The following NEK10 variants were observed in gnomAD, a reference collection of about 807,000 sequenced individuals.
NEK10 encodes the protein NIMA related kinase 10.
In NEK10, 122 loss-of-function variants were observed where a neutral mutation model predicts 159.8. The observed-to-expected ratio is 0.76, with a 90% confidence interval of 0.66 to 0.89. The LOEUF (loss-of-function observed/expected upper bound fraction) is 0.89. Among genes scored for constraint, NEK10 ranks in the 40% least tolerant of loss-of-function variants. NEK10 has a pLI of 0.00. For missense variants in NEK10, 1,342 were observed against 1,323.1 expected, an observed-to-expected ratio of 1.01 and a Z score of -0.22; for synonymous variants, 466 against 457.1, an observed-to-expected ratio of 1.02 and a Z score of -0.25.
intron 13 of NEK10, among the ~76,000 whole-genome samples, chr3:27,297,909 A>C (rs1311959885): frequency 1.3e-5 from 2 of 152,168 alleles, no homozygotes; most frequent in Non-Finnish European, 2.9e-5. Flanking sequence ...TATAAAGGAT[A>C]ATTCCATTTT....
At chr3:27,299,652 G>T (rs1020672812) in intron 13 of NEK10, among the ~76,000 whole-genome samples, 2 of 152,232 alleles carry the variant, frequency 1.3e-5, no homozygotes, top group African/African-American at 4.8e-5. Flanking sequence ...CATGAAAGCA[G>T]CCGAGAGGGA....
At chr3:27,156,929 GATATATATATATATAT>G (rs4016654) in intron 30 of NEK10, among the ~76,000 whole-genome samples, 1,176 of 28,334 alleles carry the variant, frequency 0.042, 40 homozygotes, top group Middle Eastern at 0.15. Flanking sequence ...TAAAGAAACT[GATATATATATATATAT>G]ATATATATAT....
At chr3:27,149,021 A>C (rs1343658622) in intron 30 of NEK10, among the ~76,000 whole-genome samples, 1 of 152,122 alleles carries the variant, frequency 6.6e-6, no homozygotes, top group Non-Finnish European at 1.5e-5. Context: ...ATGAAGAATG[A>C]GGAAGCAAAT....
chr3:27,344,788 G>A (rs141234610), intron 4 of NEK10, among the ~76,000 whole-genome samples: 3 of 152,142 alleles, frequency 2.0e-5, no homozygotes, highest in South Asian at 4.2e-4. Context: ...ACATACCCTC[G>A]ACCCCACTGG....
intron 22 of NEK10, among the ~76,000 whole-genome samples, chr3:27,268,282 G>A (rs2041064907): frequency 6.6e-6 from 1 of 152,192 alleles, no homozygotes; most frequent in East Asian, 1.9e-4. Flanking sequence ...GTTGATGAAG[G>A]TAGCTACACT....
intron 4 of NEK10, among the ~76,000 whole-genome samples, chr3:27,345,806 G>T (rs924884442): frequency 1.3e-5 from 2 of 152,150 alleles, no homozygotes. Flanking sequence ...AGCCTAACCA[G>T]GTCAATAATC....
At chr3:27,182,362 T>C (rs1408293289) in intron 26 of NEK10, among the ~76,000 whole-genome samples, 1 of 152,108 alleles carries the variant, frequency 6.6e-6, no homozygotes, top group Non-Finnish European at 1.5e-5. Context: ...CCAATTAAAA[T>C]TAAAACATTT....
intron 26 of NEK10, among the ~76,000 whole-genome samples, chr3:27,175,129 G>A (rs1287470633): frequency 6.6e-6 from 1 of 152,128 alleles, no homozygotes; most frequent in Non-Finnish European, 1.5e-5. Context: ...TCTAGAAATA[G>A]ACTATATTAA....
At chr3:27,298,372 T>C (rs576991100) in intron 13 of NEK10, among the ~76,000 whole-genome samples, 1 of 152,296 alleles carries the variant, frequency 6.6e-6, no homozygotes, top group South Asian at 2.1e-4. Context: ...CCACTTAAGA[T>C]ATGACTTGCT....
In NEK10 at chr3:27,131,094, C is replaced by T. The variant is rs539649337; in HGVS notation, c.3081+786G>A. Among the ~76,000 whole-genome samples, 32 of 152,254 alleles carry T rather than the reference C, an allele frequency of 2.1e-4. No individual in the cohort carries two copies. In the South Asian group the frequency reaches 2.5e-3, roughly 12 times the overall value. On this transcript the variant is annotated intron_variant, in intron 32 of 35. Transcript: ENST00000691995. ...CTGAAGCTTTGATGCATTAAAGGAA[C>T]GTGAAACCTTAAAGGAAAAGTTCAC...
chr3:27,291,559 G>A lies in NEK10; in HGVS notation c.1401C>T (p.Ile467=), dbSNP rs778275620. 6.2e-7 allele frequency: 1 copy of A among 1,605,746 alleles called. No homozygotes were observed. Among genetic ancestry groups the A allele is most frequent in the Admixed American group, 1.7e-5 (1 of 60,002 alleles). ...KRLFPTDLFE[I]FIDIGHYVRD... ...GTACATAATGCCCTATGTCAATGAA[G>A]ATCTCAAACAAGTCTGTGGGGAAAA... The change falls in exon 17 of 36, where the codon ATC becomes ATT. Residue 467 remains isoleucine, a synonymous_variant. Coordinates refer to ENST00000691995, the MANE Select transcript of NEK10 (RefSeq NM_001394966.1).
intron 26 of NEK10, 22 bp downstream of exon 26, chr3:27,192,007 C>G: frequency 3.1e-6 from 5 of 1,606,530 alleles, no homozygotes; most frequent in African/African-American, 1.3e-5. Context: ...CATCATGAAC[C>G]GATTGAAATA....
chr3:27,291,949 TC>T (rs1161911907), intron 16 of NEK10, among the ~76,000 whole-genome samples: 1 of 152,094 alleles, frequency 6.6e-6, no homozygotes, highest in Non-Finnish European at 1.5e-5. Flanking sequence ...GCCCATTACT[TC>T]CCTTTTGAAT....
chr3:27,331,952 T>C (rs1320900275), intron 5 of NEK10, among the ~76,000 whole-genome samples: 1 of 152,202 alleles, frequency 6.6e-6, no homozygotes, highest in Non-Finnish European at 1.5e-5. Context: ...AAATTAATTT[T>C]TTTGCAAATA....
intron 31 of NEK10, among the ~76,000 whole-genome samples, chr3:27,135,254 C>T (rs139535347): frequency 0.015 from 2,290 of 152,180 alleles, 30 homozygotes; most frequent in Middle Eastern, 0.041. Context: ...AGATCCATCT[C>T]CAATAAAGAA....
intron 23 of NEK10, among the ~76,000 whole-genome samples, chr3:27,242,196 T>A (rs749267666): frequency 6.6e-6 from 1 of 152,228 alleles, no homozygotes; most frequent in Non-Finnish European, 1.5e-5. Context: ...ATAAGCCATT[T>A]AAACCATGTG....
Position 27,308,990 on chromosome 3 carries a change from GTAAATT to G in NEK10, c.646_651del (p.Asn216_Leu217del). The G allele has an allele frequency of 6.3e-7, 1 of 1,586,156 alleles. No individual in the cohort carries two copies. Reference sequence around the variant, plus strand: ...AGAACATTAGTATCTCGGGCACCAAGTAAATTTACTAATGTCTGAAAAATGAAGTAA... The same window carrying G: ...AGAACATTAGTATCTCGGGCACCAAGTACTAATGTCTGAAAAATGAAGTAA... On this transcript the variant is annotated inframe_deletion, in exon 10 of 36. Transcript: ENST00000691995.
intron 20 of NEK10, among the ~76,000 whole-genome samples, chr3:27,286,147 G>A (rs1369337846): frequency 7.2e-6 from 1 of 138,274 alleles, no homozygotes; most frequent in African/African-American, 2.8e-5. Flanking sequence ...CTGCAGTGGC[G>A]CGATCTTGGC....
At chr3:27,206,328 A>T (rs1950543383) in intron 23 of NEK10, among the ~76,000 whole-genome samples, 1 of 152,184 alleles carries the variant, frequency 6.6e-6, no homozygotes, top group Admixed American at 6.5e-5. Flanking sequence ...AAGGGACAGG[A>T]GGCAGAGAAG....
Sources: gnomAD v4.1 joint callset for allele counts (sites outside exome capture counted in the v4.1 genomes callset) on GRCh38, gnomAD v4.1.1 for gene constraint, MANE v1.5 for transcripts, NCBI Gene and HGNC (gene_info 2026-07-23, HGNC 2026-07-21) for gene names.